Variants in ABCA13 observed in about 807,000 individuals in gnomAD.
ABCA13 encodes ATP binding cassette subfamily A member 13.
In ABCA13, 476 loss-of-function variants were observed where a neutral mutation model predicts 478.7. That is an observed-to-expected ratio of 0.99 (90% CI 0.92 to 1.07). The LOEUF is 1.07. Among genes scored for constraint, ABCA13 ranks in the 50% least tolerant of loss-of-function variants. The pLI, the probability that ABCA13 is intolerant of heterozygous loss-of-function variation, is 0.00. For missense variants in ABCA13, 6,060 were observed against 5,910.6 expected, an observed-to-expected ratio of 1.03 and a Z score of -0.83; for synonymous variants, 2,252 against 2,158.9, an observed-to-expected ratio of 1.04 and a Z score of -1.20.
chr7:48,611,326 G>C lies in ABCA13; in HGVS notation c.14745-3959G>C, dbSNP rs1792003978. 2.0e-5 allele frequency among the ~76,000 whole-genome samples: 3 copies of C among 152,062 alleles called. No individual in the cohort carries two copies. In the South Asian group the frequency reaches 6.2e-4, roughly 32 times the overall value. Reference sequence around the variant, plus strand: ...CTCCCTTATTTTCCCATCTTCTCCTGAGCCCTCCAAACTGTTCCAACCTCT... The same window carrying C: ...CTCCCTTATTTTCCCATCTTCTCCTCAGCCCTCCAAACTGTTCCAACCTCT... On this transcript the variant is annotated intron_variant, in intron 58 of 61. Transcript: ENST00000435803.
chr7:48,295,647 T>C, intron 20 of ABCA13, 53 bp from the exon 21 acceptor site: 1 of 1,603,382 alleles, frequency 6.2e-7, no homozygotes, highest in Non-Finnish European at 8.5e-7. Flanking sequence ...TAAATCAAAA[T>C]CTTACAGATA....
Position 48,581,394 on chromosome 7 carries a change from C to T in ABCA13, c.14505+1020C>T, listed in dbSNP as rs1788696529. 2.0e-5 allele frequency among the ~76,000 whole-genome samples: 3 copies of T among 152,122 alleles called. No individual in the cohort carries two copies. The South Asian group carries it at 6.2e-4, about 32-fold the overall frequency. On this transcript the variant is annotated intron_variant, in intron 56 of 61. Transcript: ENST00000435803. The stretch of plus-strand genomic sequence containing the variant: ...TTGTAAGGACTCTGGCCCCTTTTCC[C>T]ATCTCCCGTCTTAATAAAGCAAAGA...
intron 59 of ABCA13, among the ~76,000 whole-genome samples, chr7:48,636,209 ACCAGC>A (rs139537639): frequency 5.6e-4 from 85 of 152,330 alleles, no homozygotes; most frequent in African/African-American, 2.0e-3. Flanking sequence ...AAAGGCAAGC[ACCAGC>A]CTTTTGAGAA....
intron 3 of ABCA13, among the ~76,000 whole-genome samples, chr7:48,208,472 T>A (rs560822495): frequency 6.6e-6 from 1 of 152,248 alleles, no homozygotes; most frequent in African/African-American, 2.4e-5. Context: ...TGTGTCCTCT[T>A]CAATTTCTTT....
intron 55 of ABCA13, among the ~76,000 whole-genome samples, chr7:48,574,933 G>T (rs896452967): frequency 6.6e-6 from 1 of 152,004 alleles, no homozygotes; most frequent in African/African-American, 2.4e-5. Flanking sequence ...CATCAATTTT[G>T]ATAATAAAGC....
chr7:48,198,569 G>A (rs987953928), intron 3 of ABCA13, among the ~76,000 whole-genome samples: 3 of 152,206 alleles, frequency 2.0e-5, no homozygotes, highest in Non-Finnish European at 2.9e-5. Context: ...TGTCACTTGC[G>A]GGACTCACAG....
chr7:48,597,006 C>T (rs927988256), intron 58 of ABCA13, among the ~76,000 whole-genome samples: 3 of 151,060 alleles, frequency 2.0e-5, no homozygotes, highest in Non-Finnish European at 4.4e-5. Flanking sequence ...GGCTGGAGTG[C>T]AGTGGCACGA....
intron 1 of ABCA13, among the ~76,000 whole-genome samples, chr7:48,185,585 T>C (rs1010520499): frequency 6.6e-6 from 1 of 152,200 alleles, no homozygotes; most frequent in Non-Finnish European, 1.5e-5. Flanking sequence ...AATCTGTTCA[T>C]ATATTTAGCT....
chr7:48,372,135 G>A, intron 32 of ABCA13, 33 bp from the exon 33 acceptor site: 6 of 1,577,778 alleles, frequency 3.8e-6, no homozygotes, highest in Non-Finnish European at 4.3e-6. Context: ...TACGCATGCT[G>A]TGGTAACCTT....
At chr7:48,435,578 T>C (rs936768610) in intron 42 of ABCA13, among the ~76,000 whole-genome samples, 7 of 151,858 alleles carry the variant, frequency 4.6e-5, no homozygotes, top group Admixed American at 2.6e-4. Context: ...AAAGTGAGCA[T>C]CTTTGTCATA....
rs151006952 is a variant in ABCA13, at chr7:48,400,785, G to A, written c.11874-2898G>A. ...CCCTGGCCAATGCCTCAGTGGCTTA[G>A]AGTCCTAGGAATGTGTCATTCTGTA... On this transcript the variant is annotated intron_variant, in intron 38 of 61. Transcript: ENST00000435803. Among the ~76,000 whole-genome samples the A allele has an allele frequency of 7.2e-5, 11 of 152,350 alleles. No individual in the cohort carries two copies. The East Asian group carries it at 2.1e-3, about 29-fold the overall frequency.
chr7:48,344,675 T>C (rs1807777628), intron 29 of ABCA13, among the ~76,000 whole-genome samples: 1 of 152,134 alleles, frequency 6.6e-6, no homozygotes, highest in Non-Finnish European at 1.5e-5. Context: ...TCCTATATAT[T>C]GTGAGATGAA....
At chr7:48,634,889 G>T (rs1340298496) in intron 59 of ABCA13, among the ~76,000 whole-genome samples, 1 of 152,014 alleles carries the variant, frequency 6.6e-6, no homozygotes, top group Admixed American at 6.5e-5. Flanking sequence ...CTGCCTCGTT[G>T]TTTTACCCAC....
rs1416178903 is a variant in ABCA13, at chr7:48,600,238, C to T, written c.14744+5425C>T. On this transcript the variant is annotated intron_variant, in intron 58 of 61. Coordinates refer to ENST00000435803, the MANE Select transcript of ABCA13 (RefSeq NM_152701.5). ...TTGTTTCTTAAAATAGCCATTGCCTCTGTCTTTTGGATAATGTTTGTGTGG... is the reference window on the plus strand; with the variant it reads ...TTGTTTCTTAAAATAGCCATTGCCTTTGTCTTTTGGATAATGTTTGTGTGG... Among the ~76,000 whole-genome samples the T allele has an allele frequency of 1.8e-4, 28 of 151,958 alleles. 1 individual carries two copies. The highest frequency in any genetic ancestry group is 6.3e-4 in the African/African-American group (26 of 41,406).
intron 55 of ABCA13, among the ~76,000 whole-genome samples, chr7:48,565,268 A>G (rs1314133247): frequency 7.0e-6 from 1 of 142,264 alleles, no homozygotes; most frequent in Non-Finnish European, 1.5e-5. Flanking sequence ...ATGGGCAAGA[A>G]CAAAAAAAAA....
chr7:48,572,171 C>G (rs1787725700), intron 55 of ABCA13, among the ~76,000 whole-genome samples: 2 of 152,106 alleles, frequency 1.3e-5, no homozygotes. Flanking sequence ...TGGAGTGAAA[C>G]TTTGTCTCAA....
At chr7:48,247,495 C>T (rs1421188970) in intron 13 of ABCA13, among the ~76,000 whole-genome samples, 1 of 152,072 alleles carries the variant, frequency 6.6e-6, no homozygotes, top group Non-Finnish European at 1.5e-5. Context: ...TAACAAATCA[C>T]CCCAAAGCTC....
At chr7:48,211,559 C>T (rs1785654766) in intron 3 of ABCA13, among the ~76,000 whole-genome samples, 1 of 152,040 alleles carries the variant, frequency 6.6e-6, no homozygotes, top group South Asian at 2.1e-4. Context: ...TTGGGTCACA[C>T]CTGAAGCTCA....
In ABCA13 at chr7:48,455,053, G is replaced by GCC; in HGVS notation, c.12584_12585dup (p.Ala4196ProfsTer52). 1 of 1,530,096 alleles carries GCC rather than the reference G, an allele frequency of 6.5e-7. No homozygotes were observed. Among genetic ancestry groups the GCC allele is most frequent in the African/African-American group, 1.4e-5 (1 of 72,894 alleles). The allele number at this position is 1,530,096 out of a possible 1,614,324, so 94.8% of individuals were successfully genotyped here. A position where few individuals can be genotyped will look rare whatever the true frequency, so the allele number is the denominator to read the frequency against. On this transcript the variant is annotated frameshift_variant, in exon 43 of 62. Coordinates refer to ENST00000435803, the MANE Select transcript of ABCA13 (RefSeq NM_152701.5). LOFTEE classifies it high-confidence loss of function. ...GTCCTGCAGGTGGCTCCCTAGCACG[G>GCC]CCCGCAACTGTGCAGGGCGTCCAGC...
Sources: gnomAD v4.1 joint callset for allele counts (sites outside exome capture counted in the v4.1 genomes callset) on GRCh38, gnomAD v4.1.1 for gene constraint, MANE v1.5 for transcripts, NCBI Gene and HGNC (gene_info 2026-07-23, HGNC 2026-07-21) for gene names.